ERBB4: variants seen among roughly 807,000 people sequenced by gnomAD.
ERBB4 encodes the protein erb-b2 receptor tyrosine kinase 4.
A neutral mutation model predicts 158.0 loss-of-function variants in ERBB4; 42 were observed. That is an observed-to-expected ratio of 0.27 (90% CI 0.21 to 0.34). The LOEUF (loss-of-function observed/expected upper bound fraction) is 0.34. Among genes scored for constraint, ERBB4 ranks in the 10% least tolerant of loss-of-function variants. The probability of loss-of-function intolerance (pLI) is 1.00; values close to 1 mark genes in which losing one functional copy is unlikely to be tolerated. For missense variants in ERBB4, 1,333 were observed against 1,624.1 expected, an observed-to-expected ratio of 0.82 and a Z score of 3.08; for synonymous variants, 583 against 558.7, an observed-to-expected ratio of 1.04 and a Z score of -0.61.
chr2:211,751,482 C>T (rs887224097), intron 4 of ERBB4, among the ~76,000 whole-genome samples: 4 of 152,214 alleles, frequency 2.6e-5, no homozygotes, highest in Admixed American at 6.5e-5. Flanking sequence ...GGGTACATGA[C>T]ACATTTTTAG....
At chr2:211,560,786 TGC>T (rs1406462967) in intron 20 of ERBB4, among the ~76,000 whole-genome samples, 1 of 152,196 alleles carries the variant, frequency 6.6e-6, no homozygotes, top group Non-Finnish European at 1.5e-5. Context: ...GAAACTCTAC[TGC>T]GAGTTATGGT....
intron 3 of ERBB4, among the ~76,000 whole-genome samples, chr2:211,932,815 ATCTC>A (rs2080213023): frequency 6.6e-6 from 1 of 151,994 alleles, no homozygotes; most frequent in South Asian, 2.1e-4. Context: ...GTTACACTAA[ATCTC>A]TCCCTGATTT....
intron 2 of ERBB4, among the ~76,000 whole-genome samples, chr2:211,989,165 T>C (rs979987232): frequency 1.1e-4 from 17 of 151,992 alleles, no homozygotes; most frequent in African/African-American, 4.1e-4. Flanking sequence ...TGACCTACTT[T>C]GATTATAATG....
At chr2:212,494,954 T>C (rs1026572252) in intron 1 of ERBB4, among the ~76,000 whole-genome samples, 3 of 152,128 alleles carry the variant, frequency 2.0e-5, no homozygotes, top group Admixed American at 6.6e-5. Flanking sequence ...TTTTTATTTA[T>C]AAGCTTCCAA....
chr2:212,398,629 T>C (rs144206460), intron 1 of ERBB4, among the ~76,000 whole-genome samples: 5 of 152,312 alleles, frequency 3.3e-5, no homozygotes, highest in African/African-American at 1.2e-4. Flanking sequence ...CAGAGCTAAT[T>C]ACTTAAATTA....
At chr2:212,057,397 C>T (rs1385701182) in intron 2 of ERBB4, among the ~76,000 whole-genome samples, 1 of 152,108 alleles carries the variant, frequency 6.6e-6, no homozygotes, top group African/African-American at 2.4e-5. Flanking sequence ...CAAGGGTAAC[C>T]AGGAATTGAA....
chr2:212,125,030 C>T, intron 1 of ERBB4, 127 bp from the exon 2 acceptor site: 11 of 1,173,802 alleles, frequency 9.4e-6, no homozygotes, highest in Non-Finnish European at 1.4e-5. Context: ...ATATTTCGAT[C>T]GTCATTAAGA....
At chr2:211,586,884 C>T (rs1309104589) in intron 19 of ERBB4, among the ~76,000 whole-genome samples, 1 of 152,074 alleles carries the variant, frequency 6.6e-6, no homozygotes, top group Non-Finnish European at 1.5e-5. Context: ...TTATCTGGTG[C>T]TGTTCTGGAT....
chr2:211,841,915 A>T (rs2077478350), intron 3 of ERBB4, among the ~76,000 whole-genome samples: 1 of 152,198 alleles, frequency 6.6e-6, no homozygotes, highest in East Asian at 1.9e-4. Context: ...TGGATAATTC[A>T]GCAGTTAAAA....
At chr2:211,913,667 ATGTG>A (rs1220772754) in intron 3 of ERBB4, among the ~76,000 whole-genome samples, 1 of 113,048 alleles carries the variant, frequency 8.8e-6, no homozygotes, top group East Asian at 2.5e-4. Context: ...GTATGTGTGT[ATGTG>A]TGTGTGTATG....
chr2:211,909,716 TTGTTAGG>T (rs1023418366), intron 3 of ERBB4, among the ~76,000 whole-genome samples: 1 of 151,660 alleles, frequency 6.6e-6, no homozygotes, highest in Admixed American at 6.6e-5. Flanking sequence ...GATGAAAATG[TTGTTAGG>T]TGGCACATGA....
chr2:211,899,299 T>A (rs73989226), intron 3 of ERBB4, among the ~76,000 whole-genome samples: 3,948 of 152,246 alleles, frequency 0.026, 158 homozygotes, highest in African/African-American at 0.089. Context: ...TGAAGCTATC[T>A]TCATTTCCTC....
intron 1 of ERBB4, among the ~76,000 whole-genome samples, chr2:212,404,934 A>C (rs2091304623): frequency 6.6e-6 from 1 of 152,076 alleles, no homozygotes; most frequent in African/African-American, 2.4e-5. Context: ...TAGTTTGCTA[A>C]GTATAATAGC....
intron 1 of ERBB4, among the ~76,000 whole-genome samples, chr2:212,369,403 T>A (rs906053307): frequency 1.3e-5 from 2 of 152,146 alleles, no homozygotes; most frequent in Non-Finnish European, 2.9e-5. Context: ...TTTCCTTTTC[T>A]TACATGTAGC....
intron 19 of ERBB4, among the ~76,000 whole-genome samples, chr2:211,566,222 C>G (rs546165963): frequency 6.6e-6 from 1 of 152,268 alleles, no homozygotes; most frequent in Non-Finnish European, 1.5e-5. Flanking sequence ...ACAGAAGCAT[C>G]CTTACATGGT....
intron 2 of ERBB4, among the ~76,000 whole-genome samples, chr2:212,023,736 T>G (rs2076710283): frequency 6.6e-6 from 1 of 151,730 alleles, no homozygotes; most frequent in South Asian, 2.1e-4. Flanking sequence ...AAGAAAACAA[T>G]TTTATTGCTC....
In ERBB4 at chr2:211,377,974, T is replaced by A. The variant is rs1284942988; in HGVS notation, c.*5641A>T. 2 of 232,958 alleles carry A rather than the reference T, an allele frequency of 8.6e-6. No individual in the cohort carries two copies. The highest frequency in any genetic ancestry group is 8.5e-6 in the Non-Finnish European group (1 of 117,622). 14.4% of individuals were successfully genotyped at this position (232,958 alleles called of 1,614,324 possible). The stretch of plus-strand genomic sequence containing the variant: ...ATTGCTAGAATCTCTTATGAAAAAA[T>A]CAGGCATTCGAGGGCAAAGATGAAG... On this transcript the variant is annotated 3_prime_UTR_variant, in exon 28 of 28. Transcript: ENST00000342788.
intron 1 of ERBB4, among the ~76,000 whole-genome samples, chr2:212,237,296 C>T (rs2083916199): frequency 6.6e-6 from 1 of 152,096 alleles, no homozygotes; most frequent in Admixed American, 6.6e-5. Context: ...TGACGCTATT[C>T]CTTTCTATTT....
intron 19 of ERBB4, among the ~76,000 whole-genome samples, chr2:211,579,683 C>A (rs879877188): frequency 1.4e-4 from 22 of 151,836 alleles, no homozygotes; most frequent in Admixed American, 1.4e-3. Context: ...TTATCCTTAG[C>A]AAACTAACAC....
Sources: allele counts gnomAD v4.1 joint callset (sites outside exome capture counted in the v4.1 genomes callset), GRCh38; gene constraint gnomAD v4.1.1; transcripts MANE v1.5; gene names NCBI Gene and HGNC (gene_info 2026-07-23, HGNC 2026-07-21).